BMERB1: variants seen among roughly 807,000 people sequenced by gnomAD.
BMERB1 encodes the protein bMERB domain-containing protein 1.
Under a neutral mutation model 23.6 loss-of-function variants are expected in BMERB1, and 12 were observed. The ratio of observed to expected loss-of-function variants is 0.51; its 90% CI spans 0.33 to 0.82. The LOEUF (loss-of-function observed/expected upper bound fraction) is 0.82, where lower values mean the gene tolerates loss of function less well. Among genes scored for constraint, BMERB1 ranks in the 40% least tolerant of loss-of-function variants. The pLI is 0.03. For missense variants in BMERB1, 247 were observed against 255.4 expected, an observed-to-expected ratio of 0.97 and a Z score of 0.22; for synonymous variants, 122 against 96.6, an observed-to-expected ratio of 1.26 and a Z score of -1.54.
intron 1 of BMERB1, among the ~76,000 whole-genome samples, chr16:15,437,740 C>G (rs1186583791): frequency 1.3e-5 from 2 of 152,102 alleles, no homozygotes; most frequent in East Asian, 3.9e-4. Context: ...GGGCGGATCA[C>G]AAGGTCAGGA....
chr16:15,558,163 A>G (rs892591455), intron 2 of BMERB1, among the ~76,000 whole-genome samples: 5 of 152,062 alleles, frequency 3.3e-5, no homozygotes, highest in African/African-American at 4.8e-5. Flanking sequence ...CCTCTGCCCT[A>G]GATAGCGAAC....
chr16:15,444,498 A>G (rs1398579541), intron 1 of BMERB1, among the ~76,000 whole-genome samples: 1 of 152,106 alleles, frequency 6.6e-6, no homozygotes, highest in Non-Finnish European at 1.5e-5. Context: ...TAAAATGGGT[A>G]TAGTGATTTC....
At chr16:15,485,675 A>C (rs1350681787) in intron 1 of BMERB1, among the ~76,000 whole-genome samples, 1 of 151,948 alleles carries the variant, frequency 6.6e-6, no homozygotes, top group Non-Finnish European at 1.5e-5. Flanking sequence ...ACTGGAGGAA[A>C]CTGGGGAAAG....
intron 1 of BMERB1, among the ~76,000 whole-genome samples, chr16:15,459,111 A>G (rs1459228297): frequency 6.6e-6 from 1 of 152,072 alleles, no homozygotes; most frequent in Non-Finnish European, 1.5e-5. Context: ...CTGTCTCAAG[A>G]AACAAACAAA....
At chr16:15,500,412 C>T (rs756057641) in intron 1 of BMERB1, among the ~76,000 whole-genome samples, 45 of 152,162 alleles carry the variant, frequency 3.0e-4, no homozygotes, top group Non-Finnish European at 3.2e-4. Flanking sequence ...CACCCATAGG[C>T]TGCCAGGGGC....
chr16:15,472,085 T>C (rs559438060), intron 1 of BMERB1, among the ~76,000 whole-genome samples: 12 of 152,354 alleles, frequency 7.9e-5, no homozygotes, highest in East Asian at 3.9e-4. Context: ...ATTTCTGTTA[T>C]TGATTTCTGG....
In BMERB1 at chr16:15,520,941, A is replaced by G. The variant is rs571667099; in HGVS notation, c.230+5513A>G. Among the ~76,000 whole-genome samples, 139 of 152,326 alleles carry G rather than the reference A, an allele frequency of 9.1e-4. 2 individuals carry two copies. The highest frequency in any genetic ancestry group is 3.1e-3 in the African/African-American group (127 of 41,594). Reference sequence around the variant, plus strand: ...TGAAACTCACCAGATTACCACATCCAGAGATGAGATACCAGACCCCTCATT... The same window carrying G: ...TGAAACTCACCAGATTACCACATCCGGAGATGAGATACCAGACCCCTCATT... On this transcript the variant is annotated intron_variant, in intron 2 of 5. Coordinates refer to ENST00000300006, the MANE Select transcript of BMERB1 (RefSeq NM_033201.3).
intron 1 of BMERB1, among the ~76,000 whole-genome samples, chr16:15,474,760 C>A (rs2051261058): frequency 6.6e-6 from 1 of 151,978 alleles, no homozygotes; most frequent in African/African-American, 2.4e-5. Flanking sequence ...ATGATCTCAG[C>A]TCACTGCAAC....
intron 3 of BMERB1, among the ~76,000 whole-genome samples, chr16:15,576,708 C>T (rs1400591268): frequency 6.6e-6 from 1 of 150,892 alleles, no homozygotes; most frequent in Non-Finnish European, 1.5e-5. Context: ...CCTGCTAAGG[C>T]TCTAGAGGAG....
intron 1 of BMERB1, among the ~76,000 whole-genome samples, chr16:15,485,819 C>T (rs919898799): frequency 6.6e-6 from 1 of 152,122 alleles, no homozygotes; most frequent in Non-Finnish European, 1.5e-5. Flanking sequence ...GCATATTCCA[C>T]TAGTCCCTCC....
chr16:15,468,817 C>T (rs1391284923), intron 1 of BMERB1, among the ~76,000 whole-genome samples: 6 of 152,048 alleles, frequency 3.9e-5, no homozygotes, highest in Admixed American at 3.3e-4. Flanking sequence ...TATAGTTTTA[C>T]ATTTTACACT....
At chr16:15,479,871 G>A (rs938265053) in intron 1 of BMERB1, among the ~76,000 whole-genome samples, 1 of 151,512 alleles carries the variant, frequency 6.6e-6, no homozygotes, top group African/African-American at 2.4e-5. Context: ...ACTTGGACCT[G>A]GGAGATTGAG....
intron 1 of BMERB1, among the ~76,000 whole-genome samples, chr16:15,490,950 A>G (rs920548675): frequency 1.3e-5 from 2 of 152,144 alleles, no homozygotes; most frequent in Admixed American, 6.5e-5. Context: ...GGCTTGAGCA[A>G]TCCTCCCACC....
chr16:15,563,051 C>G (rs1306137724), intron 2 of BMERB1, among the ~76,000 whole-genome samples: 1 of 152,160 alleles, frequency 6.6e-6, no homozygotes, highest in Non-Finnish European at 1.5e-5. Context: ...TCCTCCAAAT[C>G]TCATGTTGAA....
chr16:15,519,892 C>G (rs933227770), intron 2 of BMERB1, among the ~76,000 whole-genome samples: 1 of 152,054 alleles, frequency 6.6e-6, no homozygotes, highest in Non-Finnish European at 1.5e-5. Flanking sequence ...TTCCCTACTC[C>G]CAGGGAATGG....
intron 2 of BMERB1, among the ~76,000 whole-genome samples, chr16:15,526,749 C>A (rs1285911934): frequency 1.3e-5 from 2 of 149,764 alleles, no homozygotes; most frequent in African/African-American, 4.9e-5. Flanking sequence ...AAAAGCATTA[C>A]CACAAGTTTG....
chr16:15,534,286 CAAAAAAAAAAAAAAAAAAAA>C (rs1168488547), intron 2 of BMERB1, among the ~76,000 whole-genome samples: 2 of 41,960 alleles, frequency 4.8e-5, no homozygotes, highest in African/African-American at 2.6e-4. Flanking sequence ...TTTTTAATTG[CAAAAAAAAAAAAAAAAAAAA>C]AAAAAAAAAG....
At chr16:15,497,600 GTTGTT>G (rs1313272532) in intron 1 of BMERB1, among the ~76,000 whole-genome samples, 3 of 152,206 alleles carry the variant, frequency 2.0e-5, no homozygotes, top group Non-Finnish European at 4.4e-5. Context: ...ATAAATGTGT[GTTGTT>G]TTAAGCCACT....
intron 3 of BMERB1, among the ~76,000 whole-genome samples, chr16:15,580,752 A>G (rs975578785): frequency 8.6e-5 from 13 of 151,504 alleles, no homozygotes; most frequent in Middle Eastern, 6.9e-3. Flanking sequence ...CCACCCTGTT[A>G]GCCAGGATGG....
Sources: gnomAD v4.1 joint callset for allele counts (sites outside exome capture counted in the v4.1 genomes callset) on GRCh38, gnomAD v4.1.1 for gene constraint, MANE v1.5 for transcripts, NCBI Gene and HGNC (gene_info 2026-07-23, HGNC 2026-07-21) for gene names.